CCL25: variants seen among roughly 807,000 people sequenced by gnomAD.
CCL25 encodes C-C motif chemokine 25.
In CCL25, 14 loss-of-function variants were observed where a neutral mutation model predicts 19.9. That is an observed-to-expected ratio of 0.70 (90% CI 0.47 to 1.10). The LOEUF (loss-of-function observed/expected upper bound fraction) is 1.10, where lower values mean the gene tolerates loss of function less well. Among genes scored for constraint, CCL25 ranks in the 50% least tolerant of loss-of-function variants. The pLI, the probability that CCL25 is intolerant of heterozygous loss-of-function variation, is 0.00. For synonymous variants in CCL25, 68 were observed against 73.2 expected (o/e 0.93, Z 0.36); for missense variants, 151 against 181.2 (o/e 0.83, Z 0.96).
chr19:8,060,781 C>T (rs552202654), intron 5 of CCL25, among the ~76,000 whole-genome samples: 209 of 151,406 alleles, frequency 1.4e-3, no homozygotes, highest in African/African-American at 4.8e-3. Context: ...CCCGGGTTCA[C>T]GCCATTCTCC....
chr19:8,056,212 G>A lies in CCL25; in HGVS notation c.134G>A (p.Arg45His), dbSNP rs74959615. 0.071 allele frequency: 112,114 copies of A among 1,572,694 alleles called. 4,448 individuals carry two copies. The highest frequency in any genetic ancestry group is 0.1 in the Middle Eastern group (611 of 5,830). The change falls in exon 3 of 6, where the codon CGC becomes CAC. Residue 45 changes from arginine (R) to histidine (H), a missense_variant. Physicochemically the swap from Arg to His is conservative, Grantham distance 29. Coordinates refer to ENST00000315626, the MANE Select transcript of CCL25 (RefSeq NM_005624.4). ...CCCATTGGGTGGGCTGTGCTCCGGCGCGCCTGGACTTACCGGATCCAGGAG... is the reference window on the plus strand; with the variant it reads ...CCCATTGGGTGGGCTGTGCTCCGGCACGCCTGGACTTACCGGATCCAGGAG... ...HYPIGWAVLR[R>H]AWTYRIQEVS...
At position 8,057,805 on chromosome 19, in the gene CCL25, C is replaced by T. The variant is rs1468303508; in HGVS notation, c.330C>T (p.Gly110=). 1.2e-6 allele frequency: 2 copies of T among 1,612,330 alleles called. No homozygotes were observed. The highest frequency in any genetic ancestry group is 1.7e-6 in the Non-Finnish European group (2 of 1,178,914). The change falls in exon 5 of 6, where the codon GGC becomes GGT. Residue 110 remains glycine, a synonymous_variant. Transcript: ENST00000315626. ...TTTCTCTCTCCATTTCTCCAGCAGG[C>T]CCTCATGCTGTAAAGAAGTTGAGTT... The part of the protein sequence containing the change: ...LHHNTQTFQA[G]PHAVKKLSSG...
chr19:8,053,249 C>T, intron 2 of CCL25, 127 bp downstream of exon 2: 1 of 544,214 alleles, frequency 1.8e-6, no homozygotes, highest in South Asian at 3.2e-5. Context: ...CCGCTCCTGA[C>T]ATGCAGGAAC....
rs1256774006 is a variant in CCL25 at position 8,056,346 on chromosome 19, C to T, written c.192-20C>T. On this transcript the variant is annotated intron_variant, in intron 3 of 5. Coordinates refer to ENST00000315626, the MANE Select transcript of CCL25 (RefSeq NM_005624.4). ...GCCAGCCTACACCCTAACCTGGGCA[C>T]CCCCCTCTGCTCACCACAGATTCTA... The T allele has an allele frequency of 6.2e-7, 1 of 1,611,750 alleles. No individual in the cohort carries two copies. Among genetic ancestry groups the T allele is most frequent in the Non-Finnish European group, 8.5e-7 (1 of 1,178,956 alleles).
Position 8,056,266 on chromosome 19 carries a change from C to A in CCL25, c.188C>A (p.Ala63Glu). ...AGCGGGAGCTGCAATCTGCCTGCTG[C>A]GATGTGAGTGGGGCCGTGGGGGCTG... is the stretch of plus-strand genomic sequence containing the variant. ...EVSGSCNLPA[A>E]IFYLPKRHRK... Residue 63 changes from alanine (A) to glutamate (E), a missense_variant, in exon 3 of 6, where the codon GCG becomes GAG. Physicochemically the swap from Ala to Glu is moderately radical, Grantham distance 107. Coordinates refer to ENST00000315626, the MANE Select transcript of CCL25 (RefSeq NM_005624.4). 1.6e-6 allele frequency: 2 copies of A among 1,243,392 alleles called. No individual in the cohort carries two copies. The highest frequency in any genetic ancestry group is 2.1e-6 in the Non-Finnish European group (2 of 936,682). 77.0% of individuals were successfully genotyped at this position (1,243,392 alleles called of 1,614,324 possible).
At chr19:8,061,661 C>T (rs915798936) in intron 5 of CCL25, among the ~76,000 whole-genome samples, 1 of 151,924 alleles carries the variant, frequency 6.6e-6, no homozygotes, top group Non-Finnish European at 1.5e-5. Flanking sequence ...TCCAAGGGAT[C>T]CAGAGCTCTG....
rs2081271124 is a variant in CCL25 at position 8,056,269 on chromosome 19, T to C, written c.191T>C (p.Ile64Thr). Residue 64 changes from isoleucine to threonine, a missense_variant and splice_region_variant, in exon 3 of 6, where the codon ATA (isoleucine) becomes ACA (threonine). Physicochemically the swap from Ile to Thr is moderately conservative, Grantham distance 89. Transcript: ENST00000315626. ...VSGSCNLPAA[I>T]FYLPKRHRKV... is the part of the protein sequence containing the mutation. ...GGGAGCTGCAATCTGCCTGCTGCGA[T>C]GTGAGTGGGGCCGTGGGGGCTGGGG... 1 of 1,004,264 alleles carries C rather than the reference T, an allele frequency of 1.0e-6. No individual in the cohort carries two copies. The highest frequency in any genetic ancestry group is 1.4e-6 in the Non-Finnish European group (1 of 724,406). 62.2% of individuals were successfully genotyped at this position (1,004,264 alleles called of 1,614,324 possible).
chr19:8,060,152 A>T (rs1424624622), intron 5 of CCL25, among the ~76,000 whole-genome samples: 1 of 151,440 alleles, frequency 6.6e-6, no homozygotes, highest in African/African-American at 2.4e-5. Context: ...TGGGAAACAT[A>T]GCGGGACCCT....
In CCL25 at chr19:8,056,553, C is replaced by A. The variant is rs1913936690; in HGVS notation, c.325+54C>A. ...GGGGCCTGCCCTCCCTGCCTGCAAG[C>A]CCATGTGTGGTTCAGACCCCGAGGG... On this transcript the variant is annotated intron_variant, in intron 4 of 5. Coordinates refer to ENST00000315626, the MANE Select transcript of CCL25 (RefSeq NM_005624.4). 6.9e-6 allele frequency: 11 copies of A among 1,603,332 alleles called. No individual in the cohort carries two copies. The South Asian group carries it at 1.2e-4, about 18-fold the overall frequency.
At chr19:8,060,874 G>T (rs1490658365) in intron 5 of CCL25, among the ~76,000 whole-genome samples, 1 of 151,452 alleles carries the variant, frequency 6.6e-6, no homozygotes, top group Non-Finnish European at 1.5e-5. Flanking sequence ...TAGAGACGGG[G>T]TTTCACTGTG....
intron 2 of CCL25, among the ~76,000 whole-genome samples, chr19:8,055,614 A>G (rs62124688): frequency 0.14 from 21,451 of 151,792 alleles, 1,864 homozygotes; most frequent in Admixed American, 0.23. Flanking sequence ...GATTAAAGGC[A>G]TGAGCCACCG....
intron 2 of CCL25, among the ~76,000 whole-genome samples, chr19:8,053,974 G>A (rs1189678301): frequency 2.0e-5 from 3 of 152,160 alleles, no homozygotes; most frequent in African/African-American, 4.8e-5. Flanking sequence ...CATGTCTGGC[G>A]GCGGCAATAG....
chr19:8,061,793 AC>A (rs2081319574), intron 5 of CCL25, among the ~76,000 whole-genome samples: 1 of 152,156 alleles, frequency 6.6e-6, no homozygotes. Flanking sequence ...AGAGATCAAG[AC>A]CATCCTGGCT....
chr19:8,052,435 G>A (rs949020256), upstream of CCL25, among the ~76,000 whole-genome samples: 12 of 151,918 alleles, frequency 7.9e-5, 1 homozygote, highest in African/African-American at 2.2e-4. Context: ...GAGGGCGGGG[G>A]GAGCATGAAG....
rs1229366890 is a variant in CCL25 at position 8,056,506 on chromosome 19, A to T, written c.325+7A>T. 1 of 1,614,026 alleles carries T rather than the reference A, an allele frequency of 6.2e-7. No individual in the cohort carries two copies. On this transcript the variant is annotated splice_region_variant and intron_variant, in intron 4 of 5. Coordinates refer to ENST00000315626, the MANE Select transcript of CCL25 (RefSeq NM_005624.4). Reference sequence around the variant, plus strand: ...AACACGCAGACCTTCCAAGGTGGGCAAGACCTCTGCTGGGCATCTAGGGGG... The same window carrying T: ...AACACGCAGACCTTCCAAGGTGGGCTAGACCTCTGCTGGGCATCTAGGGGG...
At chr19:8,057,146 A>T (rs1005174936) in intron 4 of CCL25, among the ~76,000 whole-genome samples, 5 of 151,770 alleles carry the variant, frequency 3.3e-5, no homozygotes, top group African/African-American at 1.2e-4. Context: ...TCAGCCCCCT[A>T]AGTAGCAGGA....
intron 5 of CCL25, among the ~76,000 whole-genome samples, chr19:8,059,143 T>C (rs1464336801): frequency 4.7e-5 from 1 of 21,396 alleles, no homozygotes; most frequent in Non-Finnish European, 1.0e-4. Flanking sequence ...ATATATTATA[T>C]AATATATAAT....
chr19:8,053,220 C>G (rs2081245524), intron 2 of CCL25, 98 bp downstream of exon 2: 4 of 689,056 alleles, frequency 5.8e-6, no homozygotes, highest in South Asian at 4.6e-5. Flanking sequence ...CTCCCCAATC[C>G]CATCTCCACT....
chr19:8,060,182 C>A (rs4804253), intron 5 of CCL25, among the ~76,000 whole-genome samples: 125,001 of 149,488 alleles, frequency 0.84, 52,296 homozygotes, highest in South Asian at 0.92. Flanking sequence ...AAAAAAAAAA[C>A]AAATTTAAAT....
Sources: allele counts gnomAD v4.1 joint callset (sites outside exome capture counted in the v4.1 genomes callset), GRCh38; gene constraint gnomAD v4.1.1; transcripts MANE v1.5; gene names NCBI Gene and HGNC (gene_info 2026-07-23, HGNC 2026-07-21).